Variants in CDH23 observed in about 807,000 individuals in gnomAD.
CDH23 encodes cadherin related 23.
A neutral mutation model predicts 317.1 loss-of-function variants in CDH23; 189 were observed. The ratio of observed to expected loss-of-function variants is 0.60; its 90% CI spans 0.53 to 0.67. The LOEUF is 0.67. CDH23 is among the 30% of genes least tolerant of loss of function. The probability of loss-of-function intolerance (pLI) is 0.00; values close to 1 mark genes in which losing one functional copy is unlikely to be tolerated. For synonymous variants in CDH23, 1,839 were observed against 1,876.8 expected, an observed-to-expected ratio of 0.98 and a Z score of 0.52; for missense variants, 4,401 against 4,592.4, an observed-to-expected ratio of 0.96 and a Z score of 1.20.
intron 30 of CDH23, 97 bp from the exon 31 acceptor site, chr10:71,730,372 A>G (rs1839329821): frequency 6.8e-7 from 1 of 1,475,928 alleles, no homozygotes; most frequent in African/African-American, 1.4e-5. Flanking sequence ...AGGCCCAGGA[A>G]AGCAGTGACC....
intron 41 of CDH23, among the ~76,000 whole-genome samples, chr10:71,780,602 A>G (rs1840926485): frequency 6.6e-6 from 1 of 152,002 alleles, no homozygotes; most frequent in Non-Finnish European, 1.5e-5. Context: ...GAGACCAGAG[A>G]GGTAATGGGG....
chr10:71,546,011 T>C (rs1370908901), intron 6 of CDH23, among the ~76,000 whole-genome samples: 1 of 152,164 alleles, frequency 6.6e-6, no homozygotes, highest in Non-Finnish European at 1.5e-5. Context: ...TTTTGGAGTC[T>C]TGTGTAACCC....
At chr10:71,615,829 C>T (rs1861157304) in intron 10 of CDH23, among the ~76,000 whole-genome samples, 1 of 152,186 alleles carries the variant, frequency 6.6e-6, no homozygotes, top group African/African-American at 2.4e-5. Flanking sequence ...CTGGGCCTGC[C>T]GCATCCATCA....
intron 28 of CDH23, chr10:71,715,341 C>T (rs1316617540): frequency 6.6e-6 from 1 of 152,242 alleles, no homozygotes; most frequent in African/African-American, 2.4e-5. Context: ...GCTCCTCCTC[C>T]CAGCTGGCAC....
intron 17 of CDH23, among the ~76,000 whole-genome samples, chr10:71,681,662 G>T (rs946927747): frequency 6.6e-6 from 1 of 152,184 alleles, no homozygotes; most frequent in Non-Finnish European, 1.5e-5. Context: ...AGACGCCAGG[G>T]GCAGTGGCTC....
intron 43 of CDH23, 83 bp downstream of exon 43, chr10:71,785,183 A>T: frequency 1.7e-6 from 2 of 1,185,280 alleles, no homozygotes; most frequent in Admixed American, 4.0e-5. Flanking sequence ...TTCTGCTGCC[A>T]CCATCTGGGC....
chr10:71,760,909 G>A, intron 38 of CDH23: 1 of 1,613,822 alleles, frequency 6.2e-7, no homozygotes, highest in Non-Finnish European at 8.5e-7. Context: ...CACACAGTTG[G>A]ATGGTGCATC....
chr10:71,762,426 G>T lies in CDH23; in HGVS notation c.4846-15254G>T, dbSNP rs558252874. Among the ~76,000 whole-genome samples, 7 of 152,378 alleles carry T rather than the reference G, an allele frequency of 4.6e-5. No homozygotes were observed. The East Asian group carries it at 1.3e-3, about 29-fold the overall frequency. ...CTCTGTAGGGGCCATCAACACCTCT[G>T]CCCCTTCCTACTCCTAGGACTGAAC... On this transcript the variant is annotated intron_variant, in intron 38 of 69. Transcript: ENST00000224721.
chr10:71,741,004 C>G lies in CDH23; in HGVS notation c.4617+54C>G. 3.1e-6 allele frequency: 5 copies of G among 1,604,946 alleles called. No homozygotes were observed. In the East Asian group the frequency reaches 6.7e-5, roughly 22 times the overall value. ...TGGACATACGGGGGGACCGTGGGCACGAGCCAACCATGCAGCCCCTGTTTA... is the reference window on the plus strand; with the variant it reads ...TGGACATACGGGGGGACCGTGGGCAGGAGCCAACCATGCAGCCCCTGTTTA... On this transcript the variant is annotated intron_variant, in intron 37 of 69. Transcript: ENST00000224721.
intron 11 of CDH23, among the ~76,000 whole-genome samples, chr10:71,628,560 G>T: frequency 6.6e-6 from 1 of 152,020 alleles, no homozygotes; most frequent in Admixed American, 6.5e-5. Flanking sequence ...GTGCAGTGGC[G>T]CAATCTTGGC....
intron 7 of CDH23, among the ~76,000 whole-genome samples, chr10:71,568,581 G>A (rs1239794119): frequency 2.0e-5 from 3 of 152,168 alleles, no homozygotes; most frequent in Non-Finnish European, 1.5e-5. Flanking sequence ...GAACAGGAGG[G>A]GCCCTAGAAG....
At chr10:71,402,545 G>A (rs75554809) in intron 1 of CDH23, among the ~76,000 whole-genome samples, 2,698 of 152,312 alleles carry the variant, frequency 0.018, 64 homozygotes, top group African/African-American at 0.059. Flanking sequence ...AAGGCATTGT[G>A]TAGTACCTGG....
At chr10:71,693,785 G>A (rs1038853338) in intron 20 of CDH23, among the ~76,000 whole-genome samples, 1 of 152,198 alleles carries the variant, frequency 6.6e-6, no homozygotes, top group Non-Finnish European at 1.5e-5. Flanking sequence ...GTAAGATAAT[G>A]TCAAAAGTCT....
chr10:71,805,585 A>C lies in CDH23; in HGVS notation c.7873-221A>C, dbSNP rs148511549. Reference sequence around the variant, plus strand: ...GGTTCTCAGGCTGGACTGTCAGTGCAATGGCCTTAGCTTGGGTTGGGGAGG... The same window carrying C: ...GGTTCTCAGGCTGGACTGTCAGTGCCATGGCCTTAGCTTGGGTTGGGGAGG... On this transcript the variant is annotated intron_variant, in intron 55 of 69. Transcript: ENST00000224721. Among the ~76,000 whole-genome samples the C allele has an allele frequency of 1.9e-3, 289 of 152,316 alleles. 1 individual carries two copies. Among genetic ancestry groups the C allele is most frequent in the African/African-American group, 6.3e-3 (263 of 41,566 alleles).
intron 1 of CDH23, among the ~76,000 whole-genome samples, chr10:71,419,001 A>G (rs907573313): frequency 2.6e-5 from 4 of 152,330 alleles, no homozygotes; most frequent in Non-Finnish European, 5.9e-5. Context: ...CTATAATAAT[A>G]CATTTTTAGC....
intron 3 of CDH23, among the ~76,000 whole-genome samples, chr10:71,498,705 C>G (rs1360569274): frequency 6.6e-6 from 1 of 152,178 alleles, no homozygotes; most frequent in Admixed American, 6.5e-5. Flanking sequence ...GTAACTTGAC[C>G]TCTCTGTGAT....
At chr10:71,793,683 G>A in intron 48 of CDH23, 43 bp downstream of exon 48, 1 of 1,401,546 alleles carries the variant, frequency 7.1e-7, no homozygotes, top group Non-Finnish European at 9.6e-7. Flanking sequence ...CCAGCTCCCA[G>A]TCCTGTCTCC....
chr10:71,398,382 G>T (rs557381664), intron 1 of CDH23, among the ~76,000 whole-genome samples: 11 of 151,938 alleles, frequency 7.2e-5, no homozygotes, highest in Non-Finnish European at 1.5e-4. Context: ...CTTGGGAAGT[G>T]CCCCAACCCT....
At position 71,799,259 on chromosome 10, in the gene CDH23, C is replaced by T. The variant is rs765313637; in HGVS notation, c.7203C>T (p.Ile2401=). 52 of 1,613,954 alleles carry T rather than the reference C, an allele frequency of 3.2e-5. No homozygotes were observed. The South Asian group carries it at 5.7e-4, about 18-fold the overall frequency. Residue 2401 remains isoleucine, a synonymous_variant, in exon 51 of 70, where the codon ATC becomes ATT. Transcript: ENST00000224721. ...EIVDINDNNP[I]FDQPSYQEAV... ...TGGACATCAATGACAACAACCCCAT[C>T]TTTGACCAGCCCTCCTACCAGGTGG...
Sources: allele counts gnomAD v4.1 joint callset (sites outside exome capture counted in the v4.1 genomes callset), GRCh38; gene constraint gnomAD v4.1.1; transcripts MANE v1.5; gene names NCBI Gene and HGNC (gene_info 2026-07-23, HGNC 2026-07-21).